The following GPD2 variants were observed in gnomAD, a reference collection of about 807,000 sequenced individuals.
GPD2 encodes the protein glycerol-3-phosphate dehydrogenase 2, also known as glycerol-3-phosphate dehydrogenase, mitochondrial.
Under a neutral mutation model 82.4 loss-of-function variants are expected in GPD2, and 54 were observed. The ratio of observed to expected loss-of-function variants is 0.66; its 90% confidence interval spans 0.53 to 0.82. The LOEUF (loss-of-function observed/expected upper bound fraction) is 0.82. Ranked by LOEUF, GPD2 falls within the 40% of genes least tolerant of loss-of-function variation. The pLI is 0.00. For missense variants in GPD2, 748 were observed against 896.2 expected (o/e 0.83, Z 2.11); for synonymous variants, 288 against 306.1 (o/e 0.94, Z 0.62).
At chr2:156,465,340 C>G (rs1462114416) in intron 1 of GPD2, among the ~76,000 whole-genome samples, 1 of 127,766 alleles carries the variant, frequency 7.8e-6, no homozygotes, top group Admixed American at 8.8e-5. Context: ...TTTTTCTTTT[C>G]TTTTCTTTCT....
At chr2:156,408,345 T>G in the GPD2 span, among the ~76,000 whole-genome samples, 46 of 152,012 alleles carry the variant, frequency 3.0e-4, no homozygotes, top group Non-Finnish European at 6.0e-4. Flanking sequence ...AGTTTGCAGT[T>G]TAGGAGAAAA....
At chr2:156,427,486 A>AGGCAT in the GPD2 span, among the ~76,000 whole-genome samples, 1 of 152,220 alleles carries the variant, frequency 6.6e-6, no homozygotes, top group South Asian at 2.1e-4. Flanking sequence ...AAAATGGTCC[A>AGGCAT]GGCATCTCTC....
chr2:156,560,324 A>G (rs1446202697), intron 9 of GPD2, among the ~76,000 whole-genome samples: 1 of 152,224 alleles, frequency 6.6e-6, no homozygotes, highest in African/African-American at 2.4e-5. Context: ...AAGTCTTTTC[A>G]ATTAACATAC....
Position 156,579,112 on chromosome 2 carries a change from A to T in GPD2, c.1907A>T (p.Asp636Val). The T allele has an allele frequency of 6.2e-7, 1 of 1,609,422 alleles. No individual in the cohort carries two copies. Among genetic ancestry groups the T allele is most frequent in the Admixed American group, 1.7e-5 (1 of 60,012 alleles). ...DRYKKRFHKFDADQKGFITIV... is the reference protein window; with the variant it reads ...DRYKKRFHKFVADQKGFITIV... ...TATAAGAAGAGATTTCATAAGTTTG[A>T]TGCAGACCAGAAAGGCTTTATTACC... Residue 636 changes from aspartate (D) to valine (V), a missense_variant, in exon 15 of 17, where the codon GAT (aspartate) becomes GTT (valine). Asp to Val is a radical substitution (Grantham distance 152). This residue lies in a region of GPD2 where 692 missense variants were observed against 809.7 expected (regional missense o/e 0.85). Transcript: ENST00000438166.
At chr2:156,553,511 T>C (rs1358319887) in intron 8 of GPD2, among the ~76,000 whole-genome samples, 1 of 152,092 alleles carries the variant, frequency 6.6e-6, no homozygotes, top group African/African-American at 2.4e-5. Context: ...AAATAAATAA[T>C]GTAAGTACAT....
At chr2:156,430,872 T>G (rs964637734), upstream of GPD2, among the ~76,000 whole-genome samples, 10 of 152,200 alleles carry the variant, frequency 6.6e-5, no homozygotes, top group Non-Finnish European at 1.3e-4. Context: ...AAAAGGTCAA[T>G]CCCAGAAGCT....
intron 8 of GPD2, 83 bp downstream of exon 8, chr2:156,550,829 G>A: frequency 9.2e-7 from 1 of 1,086,548 alleles, no homozygotes; most frequent in Non-Finnish European, 1.4e-6. Context: ...TTCTAGCATA[G>A]CAATAGATGG....
At chr2:156,575,874 T>G in intron 13 of GPD2, among the ~76,000 whole-genome samples, 1 of 152,194 alleles carries the variant, frequency 6.6e-6, no homozygotes, top group East Asian at 1.9e-4. Flanking sequence ...CATAAGCACC[T>G]TGTCCTAGAT....
chr2:156,541,803 T>G (rs1039058053), intron 6 of GPD2, among the ~76,000 whole-genome samples: 2 of 145,604 alleles, frequency 1.4e-5, no homozygotes, highest in Non-Finnish European at 3.0e-5. Context: ...TTTTCTTCCT[T>G]AAACGTATAA....
At chr2:156,574,174 G>A (rs1237721497) in intron 13 of GPD2, among the ~76,000 whole-genome samples, 1 of 151,998 alleles carries the variant, frequency 6.6e-6, no homozygotes, top group Non-Finnish European at 1.5e-5. Flanking sequence ...AATGTCTTAG[G>A]GAGTTGGGGA....
chr2:156,512,902 G>T (rs1685054720), intron 5 of GPD2, among the ~76,000 whole-genome samples: 1 of 152,150 alleles, frequency 6.6e-6, no homozygotes, highest in African/African-American at 2.4e-5. Context: ...GTTGTAGGGG[G>T]CTGGAAACAG....
At chr2:156,537,272 G>A (rs569458370) in intron 6 of GPD2, among the ~76,000 whole-genome samples, 1 of 152,332 alleles carries the variant, frequency 6.6e-6, no homozygotes, top group East Asian at 1.9e-4. Flanking sequence ...GGCTGACCCT[G>A]CAGGTTGAAT....
chr2:156,576,466 TAA>T (rs34280846), intron 13 of GPD2, among the ~76,000 whole-genome samples: 11,279 of 149,378 alleles, frequency 0.076, 446 homozygotes, highest in Non-Finnish European at 0.095. Flanking sequence ...TAAGCTGTGA[TAA>T]AAAAAAAAAA....
intron 6 of GPD2, among the ~76,000 whole-genome samples, chr2:156,526,492 GTC>G (rs2105297026): frequency 6.6e-6 from 1 of 152,238 alleles, no homozygotes; most frequent in East Asian, 1.9e-4. Flanking sequence ...AAATAGATGA[GTC>G]TGTCTTATAC....
At chr2:156,449,715 G>T (rs897129347) in intron 1 of GPD2, among the ~76,000 whole-genome samples, 9 of 152,066 alleles carry the variant, frequency 5.9e-5, no homozygotes, top group African/African-American at 1.9e-4. Flanking sequence ...TTGTATTAAA[G>T]ATAGAAAAAA....
chr2:156,465,611 G>C (rs924234300), intron 1 of GPD2, among the ~76,000 whole-genome samples: 1 of 151,976 alleles, frequency 6.6e-6, no homozygotes, highest in Non-Finnish European at 1.5e-5. Flanking sequence ...CCTCCTGCCT[G>C]GGTTTCTCTG....
intron 2 of GPD2, among the ~76,000 whole-genome samples, chr2:156,477,825 CA>C (rs1431091108): frequency 3.3e-5 from 5 of 152,116 alleles, no homozygotes; most frequent in Non-Finnish European, 7.4e-5. Context: ...TCCTTAAAAG[CA>C]AGTGTGAAAA....
chr2:156,570,155 T>G lies in GPD2; in HGVS notation c.1545T>G (p.Thr515=), dbSNP rs757318070. 4.3e-6 allele frequency: 7 copies of G among 1,612,680 alleles called. 1 individual carries two copies. In the South Asian group the frequency reaches 7.7e-5, roughly 18 times the overall value. ...AFEVAKMASV[T]GKRWPIVGVR... The stretch of plus-strand genomic sequence containing the variant: ...AGGTGGCCAAAATGGCAAGTGTGAC[T>G]GGCAAAAGGTGGCCTATTGTTGGAG... The change falls in exon 12 of 17, where the codon ACT becomes ACG. Residue 515 remains threonine (T), a synonymous_variant. Transcript: ENST00000438166.
At chr2:156,403,374 T>A in the GPD2 span, among the ~76,000 whole-genome samples, 1 of 152,138 alleles carries the variant, frequency 6.6e-6, no homozygotes, top group Non-Finnish European at 1.5e-5. Flanking sequence ...CTGGGAAAGA[T>A]GATACGGAAG....
Sources: gnomAD v4.1 joint callset for allele counts (sites outside exome capture counted in the v4.1 genomes callset) on GRCh38, gnomAD v4.1.1 for gene constraint, gnomAD v4.1.1 regional missense constraint, MANE v1.5 for transcripts, NCBI Gene and HGNC (gene_info 2026-07-23, HGNC 2026-07-21) for gene names.